The following CPEB3 variants were observed in gnomAD, a reference collection of about 807,000 sequenced individuals.
The protein encoded by CPEB3 is cytoplasmic polyadenylation element binding protein 3.
In CPEB3, 20 loss-of-function variants were observed where a neutral mutation model predicts 67.2. That is an observed-to-expected ratio of 0.30 (90% CI 0.21 to 0.43). The LOEUF is 0.43. CPEB3 is among the 20% of genes least tolerant of loss of function. The pLI, the probability that CPEB3 is intolerant of heterozygous loss-of-function variation, is 1.00. For synonymous variants in CPEB3, 376 were observed against 393.1 expected, an observed-to-expected ratio of 0.96 and a Z score of 0.51; for missense variants, 746 against 968.6, an observed-to-expected ratio of 0.77 and a Z score of 3.05.
intron 3 of CPEB3, among the ~76,000 whole-genome samples, chr10:92,186,720 C>G (rs1034439425): frequency 3.3e-5 from 5 of 152,288 alleles, no homozygotes; most frequent in Admixed American, 2.0e-4. Context: ...TAGGCGTGAG[C>G]CACCATGCCT....
At chr10:92,098,518 G>A (rs773508525) in intron 7 of CPEB3, among the ~76,000 whole-genome samples, 2 of 151,930 alleles carry the variant, frequency 1.3e-5, no homozygotes, top group Middle Eastern at 3.4e-3. Flanking sequence ...CATGTTGGTC[G>A]GGATGGTCTC....
intron 6 of CPEB3, among the ~76,000 whole-genome samples, chr10:92,127,279 ATAAG>A (rs1021373969): frequency 4.2e-4 from 64 of 152,200 alleles, no homozygotes; most frequent in East Asian, 7.7e-4. Context: ...TACTAACTAA[ATAAG>A]TAAGTAGACA....
chr10:92,281,890 C>T (rs781518891), intron 1 of CPEB3, among the ~76,000 whole-genome samples: 9 of 152,104 alleles, frequency 5.9e-5, no homozygotes, highest in Admixed American at 2.0e-4. Flanking sequence ...AGTGTAAATG[C>T]TAACGCAGTG....
At chr10:92,105,877 G>A (rs1844423953) in intron 7 of CPEB3, among the ~76,000 whole-genome samples, 2 of 151,258 alleles carry the variant, frequency 1.3e-5, no homozygotes, top group Non-Finnish European at 2.9e-5. Context: ...CACCATGCCT[G>A]GCTAATTTTT....
intron 4 of CPEB3, among the ~76,000 whole-genome samples, chr10:92,147,194 G>A (rs1359105799): frequency 1.3e-5 from 2 of 152,154 alleles, no homozygotes; most frequent in Non-Finnish European, 2.9e-5. Context: ...GGTGGCTCAT[G>A]CCCATAGTCC....
At chr10:92,074,094 A>T (rs1002003495) in intron 9 of CPEB3, among the ~76,000 whole-genome samples, 19 of 150,998 alleles carry the variant, frequency 1.3e-4, no homozygotes, top group African/African-American at 4.1e-4. Flanking sequence ...CTTTTTAACT[A>T]TTTTTTTTTA....
chr10:92,184,644 C>T (rs185926319), intron 3 of CPEB3, among the ~76,000 whole-genome samples: 6 of 152,180 alleles, frequency 3.9e-5, no homozygotes, highest in Non-Finnish European at 5.9e-5. Flanking sequence ...GTCGAGAAGG[C>T]CACATCCATC....
chr10:92,188,345 A>AC (rs1848797311), intron 3 of CPEB3, among the ~76,000 whole-genome samples: 1 of 149,494 alleles, frequency 6.7e-6, no homozygotes, highest in South Asian at 2.1e-4. Context: ...AAAAAAAAAA[A>AC]AAAAAAACCC....
chr10:92,074,875 T>C (rs1390827200), intron 9 of CPEB3, among the ~76,000 whole-genome samples: 1 of 152,204 alleles, frequency 6.6e-6, no homozygotes, highest in African/African-American at 2.4e-5. Context: ...TAGGGGAAGA[T>C]ATGCTAGATG....
At chr10:92,076,720 T>A (rs78484707) in intron 9 of CPEB3, among the ~76,000 whole-genome samples, 104 of 151,964 alleles carry the variant, frequency 6.8e-4, no homozygotes, top group African/African-American at 2.3e-3. Flanking sequence ...GGCCTACTCA[T>A]GTTTGTTGAT....
At chr10:92,077,869 G>A (rs760458814) in intron 9 of CPEB3, among the ~76,000 whole-genome samples, 9 of 152,010 alleles carry the variant, frequency 5.9e-5, no homozygotes, top group South Asian at 2.1e-4. Context: ...CAGGGCAAAC[G>A]AAGAAGATGG....
At chr10:92,245,973 G>A (rs191856129) in intron 1 of CPEB3, among the ~76,000 whole-genome samples, 5 of 151,910 alleles carry the variant, frequency 3.3e-5, no homozygotes, top group African/African-American at 4.8e-5. Flanking sequence ...GGGAGGTGGG[G>A]GTTGCAGTGA....
chr10:92,261,057 C>G (rs1852776303), intron 1 of CPEB3, among the ~76,000 whole-genome samples: 1 of 151,910 alleles, frequency 6.6e-6, no homozygotes. Context: ...CTAGTAGGTT[C>G]TGTACAAGCT....
chr10:92,207,860 ACT>A (rs1849869236), intron 2 of CPEB3, among the ~76,000 whole-genome samples: 1 of 152,208 alleles, frequency 6.6e-6, no homozygotes, highest in African/African-American at 2.4e-5. Flanking sequence ...ATAGAGCGAG[ACT>A]CTGTCTCAAA....
rs1163974877 is a variant in CPEB3 at position 92,217,206 on chromosome 10, C to CAAAAAAAAAA, written c.1005+22130_1005+22139dup. Reference sequence around the variant, plus strand: ...CTGGCGACACAGCGAGACTCTGCCTCAAAAAAAAAAAAAAAAAAAAAAAAA... The same window carrying CAAAAAAAAAA: ...CTGGCGACACAGCGAGACTCTGCCTCAAAAAAAAAAAAAAAAAAAAAAAAAAAAAAAAAAA... On this transcript the variant is annotated intron_variant, in intron 2 of 9. Transcript: ENST00000265997. Among the ~76,000 whole-genome samples the CAAAAAAAAAA allele has an allele frequency of 2.7e-3, 69 of 25,456 alleles. 9 individuals are homozygous for CAAAAAAAAAA. The highest frequency in any genetic ancestry group is 0.012 in the African/African-American group (67 of 5,426). 16.7% of individuals were successfully genotyped at this position (25,456 alleles called of 152,430 possible).
intron 6 of CPEB3, among the ~76,000 whole-genome samples, chr10:92,124,107 T>C (rs546578434): frequency 1.3e-5 from 2 of 152,304 alleles, no homozygotes; most frequent in East Asian, 3.9e-4. Context: ...TCAATAAAAG[T>C]TCTCATCAGG....
At position 92,051,879 on chromosome 10, in the gene CPEB3, ACAGTAGC is replaced by A; in HGVS notation, c.*326_*332del. 1 of 209,680 alleles carries A rather than the reference ACAGTAGC, an allele frequency of 4.8e-6. No individual in the cohort carries two copies. The highest frequency in any genetic ancestry group is 2.3e-5 in the African/African-American group (1 of 43,164). 13.0% of individuals were successfully genotyped at this position (209,680 alleles called of 1,614,324 possible). A position where few individuals can be genotyped will look rare whatever the true frequency, so the allele number is the denominator to read the frequency against. ...ACAACAACAAACAAAAGAATCACAG[ACAGTAGC>A]CTGACGGCCGCTGATGAGAATGGCA... On this transcript the variant is annotated 3_prime_UTR_variant, in exon 10 of 10. Coordinates refer to ENST00000265997, the MANE Select transcript of CPEB3 (RefSeq NM_014912.5).
chr10:92,110,558 G>C (rs544242527), intron 7 of CPEB3, among the ~76,000 whole-genome samples: 6 of 152,254 alleles, frequency 3.9e-5, no homozygotes, highest in Admixed American at 3.9e-4. Flanking sequence ...TATGGTTTTA[G>C]CTCCACGTTC....
chr10:92,216,292 TG>T, intron 2 of CPEB3: 1 of 1,551,698 alleles, frequency 6.4e-7, no homozygotes, highest in Non-Finnish European at 8.7e-7. Flanking sequence ...AAAATTTGGC[TG>T]GGCAGCCTCC....
Sources: allele counts gnomAD v4.1 joint callset (sites outside exome capture counted in the v4.1 genomes callset), GRCh38; gene constraint gnomAD v4.1.1; transcripts MANE v1.5; gene names NCBI Gene and HGNC (gene_info 2026-07-23, HGNC 2026-07-21).